Variants in ATR observed in about 807,000 individuals in gnomAD.
The protein encoded by ATR is serine/threonine-protein kinase ATR.
Under a neutral mutation model 305.3 loss-of-function variants are expected in ATR, and 142 were observed. That is an observed-to-expected ratio of 0.47 (90% CI 0.41 to 0.53). The LOEUF (loss-of-function observed/expected upper bound fraction) is 0.53, where lower values mean the gene tolerates loss of function less well. ATR is among the 20% of genes least tolerant of loss of function. The pLI is 0.00. For synonymous variants in ATR, 1,050 were observed against 1,068.1 expected (o/e 0.98, Z 0.33); for missense variants, 2,135 against 3,133.1 (o/e 0.68, Z 7.60).
At chr3:142,466,180 G>T in intron 40 of ATR, 144 bp downstream of exon 40, 2 of 959,008 alleles carry the variant, frequency 2.1e-6, no homozygotes, top group African/African-American at 1.7e-5. Flanking sequence ...GTACAAATGA[G>T]TTTAGTTTTA....
intron 13 of ATR, 135 bp downstream of exon 13, chr3:142,553,092 T>C: frequency 8.6e-7 from 1 of 1,161,452 alleles, no homozygotes; most frequent in Non-Finnish European, 1.2e-6. Flanking sequence ...TGCTGCAATA[T>C]ACCCCTGAAC....
intron 21 of ATR, among the ~76,000 whole-genome samples, chr3:142,527,563 T>A (rs181172266): frequency 5.9e-5 from 9 of 152,336 alleles, no homozygotes; most frequent in Admixed American, 2.6e-4. Context: ...ATTTACATAT[T>A]TGACATTTAC....
intron 35 of ATR, among the ~76,000 whole-genome samples, chr3:142,485,503 C>A (rs966635831): frequency 6.6e-6 from 1 of 152,144 alleles, no homozygotes; most frequent in Non-Finnish European, 1.5e-5. Flanking sequence ...CACTGCCCAA[C>A]ATGAAATAGT....
At chr3:142,518,855 G>A (rs1479759070) in intron 24 of ATR, among the ~76,000 whole-genome samples, 1 of 151,902 alleles carries the variant, frequency 6.6e-6, no homozygotes, top group African/African-American at 2.4e-5. Context: ...TCATGTATTT[G>A]CATGTCATCT....
rs10935466 is a variant in ATR at position 142,562,979 on chromosome 3, A to G, written c.423T>C (p.Ile141=). 7.1e-4 allele frequency: 1,144 copies of G among 1,607,622 alleles called. 11 individuals carry two copies. The African/African-American group carries it at 0.014, about 20-fold the overall frequency. Residue 141 remains isoleucine (I), a synonymous_variant, in exon 4 of 47, where the codon ATT becomes ATC. Coordinates refer to ENST00000350721, the MANE Select transcript of ATR (RefSeq NM_001184.4). ...ATAATTCTTTTGTGAGTACCCCAAA[A>G]ATAGCAGGACTCTTGCTTTTAAAAA... The part of the protein sequence containing the change: ...LFLFKSKSPA[I]FGVLTKELLQ...
At chr3:142,552,888 T>A (rs1164778649) in intron 13 of ATR, among the ~76,000 whole-genome samples, 2 of 149,656 alleles carry the variant, frequency 1.3e-5, no homozygotes, top group African/African-American at 5.0e-5. Context: ...AGTTCTCACT[T>A]ATAAGTAGGA....
chr3:142,451,344 C>T, intron 46 of ATR: 2 of 1,315,508 alleles, frequency 1.5e-6, no homozygotes, highest in Admixed American at 2.7e-5. Context: ...AAAAAATTTT[C>T]AAGATTTAGT....
intron 27 of ATR, among the ~76,000 whole-genome samples, chr3:142,508,552 T>G (rs2032375010): frequency 6.6e-6 from 1 of 152,160 alleles, no homozygotes; most frequent in African/African-American, 2.4e-5. Flanking sequence ...AATAATCTTT[T>G]TTAAAGTTTA....
At chr3:142,504,668 T>G (rs1262382334) in intron 29 of ATR, among the ~76,000 whole-genome samples, 1 of 152,138 alleles carries the variant, frequency 6.6e-6, no homozygotes, top group East Asian at 1.9e-4. Flanking sequence ...TTCACTATGT[T>G]GGCCAGGCTA....
intron 34 of ATR, among the ~76,000 whole-genome samples, chr3:142,493,810 G>C (rs1243902339): frequency 6.6e-6 from 1 of 151,894 alleles, no homozygotes; most frequent in Non-Finnish European, 1.5e-5. Flanking sequence ...CGCAGTTACA[G>C]TGAGCTATGA....
chr3:142,504,671 C>A (rs1214378251), intron 29 of ATR, among the ~76,000 whole-genome samples: 1 of 152,000 alleles, frequency 6.6e-6, no homozygotes, highest in Non-Finnish European at 1.5e-5. Context: ...ACTATGTTGG[C>A]CAGGCTAGTC....
intron 46 of ATR, chr3:142,451,543 G>T (rs560808389): frequency 5.7e-5 from 77 of 1,361,646 alleles, no homozygotes; most frequent in Non-Finnish European, 7.0e-5. Context: ...CCTATATCCA[G>T]AGTGGGCACT....
intron 13 of ATR, among the ~76,000 whole-genome samples, chr3:142,553,001 T>C (rs1473103105): frequency 2.6e-5 from 4 of 152,048 alleles, no homozygotes; most frequent in South Asian, 2.1e-4. Flanking sequence ...AGTTAATGCA[T>C]GCTGGGCTTA....
chr3:142,472,085 T>TTTTGTGTGTG (rs3223772), intron 36 of ATR: 1 of 144,126 alleles, frequency 6.9e-6, no homozygotes, highest in African/African-American at 2.6e-5. Context: ...TAGTATTCCA[T>TTTTGTGTGTG]TGTGTGTGTG....
chr3:142,492,275 A>G (rs928784673), intron 35 of ATR, among the ~76,000 whole-genome samples: 1 of 152,178 alleles, frequency 6.6e-6, no homozygotes, highest in Admixed American at 6.5e-5. Flanking sequence ...GGTGGACTGA[A>G]TAACTCTCAA....
At chr3:142,503,664 G>A (rs2032092908) in intron 29 of ATR, among the ~76,000 whole-genome samples, 1 of 152,066 alleles carries the variant, frequency 6.6e-6, no homozygotes, top group African/African-American at 2.4e-5. Flanking sequence ...TGATCCTCCT[G>A]CCTCAGCCTC....
chr3:142,469,313 T>C lies in ATR; in HGVS notation c.6552+24A>G, dbSNP rs748363459. The C allele has an allele frequency of 4.4e-6, 7 of 1,574,332 alleles. No individual in the cohort carries two copies. The East Asian group carries it at 1.3e-4, about 30-fold the overall frequency. ...TAAAATGGTAAAAGATCTTTTCATA[T>C]AAAAAGGTAAAAGACCCTTTTACCT... On this transcript the variant is annotated intron_variant, in intron 38 of 46. Transcript: ENST00000350721.
chr3:142,451,784 T>A lies in ATR; in HGVS notation c.7761+1344A>T, dbSNP rs1441418355. On this transcript the variant is annotated intron_variant, in intron 46 of 46. Coordinates refer to ENST00000350721, the MANE Select transcript of ATR (RefSeq NM_001184.4). ...AAAAACTATTTGTAGAGACCAGGGC[T>A]GGCTTTGTCCAGTTAGATATGTATA... 7 of 1,211,672 alleles carry A rather than the reference T, an allele frequency of 5.8e-6. No individual in the cohort carries two copies. The East Asian group carries it at 3.5e-4, about 61-fold the overall frequency. The allele number at this position is 1,211,672 out of a possible 1,614,324, so 75.1% of individuals were successfully genotyped here.
At chr3:142,485,049 C>A (rs1422404786) in intron 36 of ATR, 91 bp downstream of exon 36, 2 of 1,561,212 alleles carry the variant, frequency 1.3e-6, no homozygotes, top group African/African-American at 1.4e-5. Context: ...CCAGAAAATA[C>A]CTAGAATATG....
Sources: allele counts gnomAD v4.1 joint callset (sites outside exome capture counted in the v4.1 genomes callset), GRCh38; gene constraint gnomAD v4.1.1; transcripts MANE v1.5; gene names NCBI Gene and HGNC (gene_info 2026-07-23, HGNC 2026-07-21).